The following TM2D1 variants were observed in gnomAD, a reference collection of about 807,000 sequenced individuals.
The protein encoded by TM2D1 is TM2 domain-containing protein 1.
Under a neutral mutation model 28.4 loss-of-function variants are expected in TM2D1, and 15 were observed. The observed-to-expected ratio is 0.53, with a 90% CI of 0.35 to 0.81. The LOEUF (loss-of-function observed/expected upper bound fraction) is 0.81. Ranked by LOEUF, TM2D1 falls within the 40% of genes least tolerant of loss-of-function variation. The probability of loss-of-function intolerance (pLI) is 0.01; values close to 1 mark genes in which losing one functional copy is unlikely to be tolerated. For synonymous variants in TM2D1, 93 were observed against 96.2 expected, an observed-to-expected ratio of 0.97 and a Z score of 0.20; for missense variants, 236 against 254.9, an observed-to-expected ratio of 0.93 and a Z score of 0.50.
intron 5 of TM2D1, among the ~76,000 whole-genome samples, chr1:61,690,290 C>T (rs1644314085): frequency 1.3e-5 from 2 of 151,828 alleles, no homozygotes; most frequent in Non-Finnish European, 2.9e-5. Flanking sequence ...AACCCTGTCT[C>T]TACTAAAAAT....
At chr1:61,705,065 G>A (rs541413228) in intron 3 of TM2D1, among the ~76,000 whole-genome samples, 28 of 152,282 alleles carry the variant, frequency 1.8e-4, no homozygotes, top group Non-Finnish European at 3.4e-4. Context: ...TAACAGATAA[G>A]TATTATCAGA....
At chr1:61,699,879 G>A in intron 4 of TM2D1, 1 of 251,180 alleles carries the variant, frequency 4.0e-6, no homozygotes, top group Non-Finnish European at 7.4e-6. Flanking sequence ...TTTTACTTAG[G>A]AACTTACAAC....
intron 5 of TM2D1, among the ~76,000 whole-genome samples, chr1:61,687,786 A>T (rs1299287942): frequency 6.6e-6 from 1 of 152,222 alleles, no homozygotes; most frequent in Non-Finnish European, 1.5e-5. Flanking sequence ...AAAGAATGCC[A>T]ACAGTAACAT....
chr1:61,701,066 A>AT, intron 3 of TM2D1, 41 bp from the exon 4 acceptor site: 1 of 1,499,920 alleles, frequency 6.7e-7, no homozygotes, highest in Non-Finnish European at 9.2e-7. Flanking sequence ...TTCCAATGTG[A>AT]ACATTTTAGA....
rs897129088 is a variant in TM2D1, at chr1:61,700,982, GAA to G, written c.389_390del (p.Phe130SerfsTer34). The G allele has an allele frequency of 2.5e-6, 4 of 1,604,160 alleles. No homozygotes were observed. Among genetic ancestry groups the G allele is most frequent in the South Asian group, 1.1e-5 (1 of 89,816 alleles). On this transcript the variant is annotated frameshift_variant, in exon 4 of 7. Coordinates refer to ENST00000606498, the MANE Select transcript of TM2D1 (RefSeq NM_032027.3). LOFTEE classifies it high-confidence loss of function. ...SYKVAVALSL[F>X]LGWLGADRFY... ...AATCGATCTGCTCCCAACCATCCAA[GAA>G]AAAGAGACAATGCGACTGCCACTTT...
At chr1:61,715,382 A>G (rs988673711) in intron 2 of TM2D1, among the ~76,000 whole-genome samples, 124 of 152,012 alleles carry the variant, frequency 8.2e-4, no homozygotes, top group African/African-American at 2.9e-3. Context: ...AAAAGCATAC[A>G]GGCTGGGCAT....
At chr1:61,714,729 A>AT (rs1401505535) in intron 2 of TM2D1, among the ~76,000 whole-genome samples, 3 of 152,008 alleles carry the variant, frequency 2.0e-5, no homozygotes, top group East Asian at 3.9e-4. Context: ...TAATTTTTGT[A>AT]TTTTTTTGTA....
At chr1:61,701,278 C>A (rs1570108858) in intron 3 of TM2D1, among the ~76,000 whole-genome samples, 2 of 64,882 alleles carry the variant, frequency 3.1e-5, no homozygotes, top group South Asian at 5.7e-4. Context: ...AAAAATAAAT[C>A]ATATACTATG....
chr1:61,691,932 A>AAAAAAAAATATATATATAT, intron 5 of TM2D1, among the ~76,000 whole-genome samples: 79 of 76,348 alleles, frequency 1.0e-3, no homozygotes, highest in Non-Finnish European at 1.5e-3. Context: ...AAAAAAAAAA[A>AAAAAAAAATATATATATAT]ATATATATAT....
intron 5 of TM2D1, among the ~76,000 whole-genome samples, chr1:61,688,633 G>A (rs1644301586): frequency 6.6e-6 from 1 of 151,550 alleles, no homozygotes; most frequent in Non-Finnish European, 1.5e-5. Context: ...TGAGGCAGAA[G>A]AATCGCTTGA....
chr1:61,690,136 A>C (rs1473496918), intron 5 of TM2D1, among the ~76,000 whole-genome samples: 1 of 152,162 alleles, frequency 6.6e-6, no homozygotes, highest in African/African-American at 2.4e-5. Flanking sequence ...CCAGAACTAT[A>C]AGAAGTAATT....
intron 5 of TM2D1, among the ~76,000 whole-genome samples, chr1:61,686,518 T>A (rs907892268): frequency 1.3e-5 from 2 of 150,904 alleles, no homozygotes; most frequent in African/African-American, 4.9e-5. Context: ...CAAGAATTAG[T>A]CAGGCACGGT....
Position 61,683,565 on chromosome 1 carries a change from CA to C in TM2D1, c.514-20del. 1 of 1,164,236 alleles carries C rather than the reference CA, an allele frequency of 8.6e-7. No individual in the cohort carries two copies. Among genetic ancestry groups the C allele is most frequent in the Non-Finnish European group, 1.2e-6 (1 of 838,724 alleles). The allele number at this position is 1,164,236 out of a possible 1,614,324, so 72.1% of individuals were successfully genotyped here. On this transcript the variant is annotated intron_variant, in intron 5 of 6. Coordinates refer to ENST00000606498, the MANE Select transcript of TM2D1 (RefSeq NM_032027.3). ...CAACAATCTAGAAGAGACAAAATTT[CA>C]AAATTATTCATTTTACAAAAGATAT...
intron 2 of TM2D1, among the ~76,000 whole-genome samples, chr1:61,711,625 C>CA (rs963521750): frequency 0.14 from 16,986 of 118,190 alleles, 2,998 homozygotes; most frequent in African/African-American, 0.41. Flanking sequence ...GAGACCGTCT[C>CA]AAAAAAAAAA....
In TM2D1 at chr1:61,681,886, C is replaced by T. The variant is rs571338916; in HGVS notation, c.*20-536G>A. Among the ~76,000 whole-genome samples, 110 of 152,236 alleles carry T rather than the reference C, an allele frequency of 7.2e-4. 1 individual carries two copies. In the Middle Eastern group the frequency reaches 0.014, roughly 19 times the overall value. ...GTTTCAGTTTTGCACTAATTAGTTGCGTATCTTACTCTCAACTTCCTTAGG... is the reference window on the plus strand; with the variant it reads ...GTTTCAGTTTTGCACTAATTAGTTGTGTATCTTACTCTCAACTTCCTTAGG... On this transcript the variant is annotated intron_variant, in intron 6 of 6. Transcript: ENST00000606498.
intron 1 of TM2D1, 27 bp downstream of exon 1, chr1:61,724,930 T>G (rs755200587): frequency 1.3e-6 from 2 of 1,563,108 alleles, no homozygotes; most frequent in Non-Finnish European, 1.7e-6. Flanking sequence ...CTCGCCTCCA[T>G]GGGGGGGTGT....
intron 2 of TM2D1, among the ~76,000 whole-genome samples, chr1:61,711,151 A>C (rs968614212): frequency 6.6e-6 from 1 of 152,086 alleles, no homozygotes; most frequent in African/African-American, 2.4e-5. Flanking sequence ...CAGCCTGGGC[A>C]ACATGGCGAA....
chr1:61,689,536 A>C (rs1163429426), intron 5 of TM2D1, among the ~76,000 whole-genome samples: 1 of 152,082 alleles, frequency 6.6e-6, no homozygotes, highest in East Asian at 1.9e-4. Context: ...CACCTGGCAA[A>C]TTTTTTAAAA....
chr1:61,714,849 T>A (rs185425956), intron 2 of TM2D1, among the ~76,000 whole-genome samples: 1 of 152,196 alleles, frequency 6.6e-6, no homozygotes, highest in Non-Finnish European at 1.5e-5. Context: ...GCCAACAGTA[T>A]CTATTTTTCA....
Sources: gnomAD v4.1 joint callset for allele counts (sites outside exome capture counted in the v4.1 genomes callset) on GRCh38, gnomAD v4.1.1 for gene constraint, MANE v1.5 for transcripts, NCBI Gene and HGNC (gene_info 2026-07-23, HGNC 2026-07-21) for gene names.